Variants in USP47 observed in about 807,000 individuals in gnomAD.
USP47 encodes ubiquitin carboxyl-terminal hydrolase 47.
Under a neutral mutation model 165.1 loss-of-function variants are expected in USP47, and 35 were observed. That is an observed-to-expected ratio of 0.21 (90% confidence interval 0.16 to 0.28). The LOEUF is 0.28. USP47 is among the 10% of genes least tolerant of loss of function. The probability of loss-of-function intolerance (pLI) is 1.00; values close to 1 mark genes in which losing one functional copy is unlikely to be tolerated. For synonymous variants in USP47, 531 were observed against 544.5 expected (o/e 0.98, Z 0.35); for missense variants, 1,277 against 1,607.4 (o/e 0.79, Z 3.52).
intron 19 of USP47, 121 bp from the exon 20 acceptor site, chr11:11,942,214 A>C: frequency 8.7e-7 from 1 of 1,152,322 alleles, no homozygotes; most frequent in South Asian, 1.8e-5. Flanking sequence ...TTCAGAAACT[A>C]TATCATCACA....
chr11:11,928,395 A>G (rs945352404), intron 11 of USP47, among the ~76,000 whole-genome samples: 2 of 152,056 alleles, frequency 1.3e-5, no homozygotes, highest in Non-Finnish European at 2.9e-5. Flanking sequence ...CATTTTCAAA[A>G]TTTGTTCTAG....
chr11:11,876,568 C>T (rs187915046), intron 1 of USP47, among the ~76,000 whole-genome samples: 4 of 152,280 alleles, frequency 2.6e-5, no homozygotes, highest in Admixed American at 6.5e-5. Flanking sequence ...CAGTTCTGCT[C>T]CAGGTGGCAT....
chr11:11,878,546 A>G (rs1850627089), intron 1 of USP47: 1 of 152,154 alleles, frequency 6.6e-6, no homozygotes, highest in African/African-American at 2.4e-5. Flanking sequence ...TATAACATCT[A>G]AAATATATAG....
chr11:11,868,989 G>A (rs939131163), intron 1 of USP47, among the ~76,000 whole-genome samples: 1 of 151,346 alleles, frequency 6.6e-6, no homozygotes, highest in Non-Finnish European at 1.5e-5. Context: ...TTTTTTTGTA[G>A]GTTTTTAGAG....
intron 1 of USP47, among the ~76,000 whole-genome samples, chr11:11,867,958 G>T (rs141422642): frequency 6.6e-6 from 1 of 152,034 alleles, no homozygotes; most frequent in African/African-American, 2.4e-5. Context: ...GTGGTTGCAC[G>T]TTCTTAGGAG....
At chr11:11,871,243 C>T (rs1376327033) in intron 1 of USP47, among the ~76,000 whole-genome samples, 1 of 151,392 alleles carries the variant, frequency 6.6e-6, no homozygotes, top group African/African-American at 2.4e-5. Context: ...GTGGCGCACG[C>T]ATGTAATCTC....
At chr11:11,846,308 G>C (rs1464956967) in intron 1 of USP47, among the ~76,000 whole-genome samples, 2 of 152,042 alleles carry the variant, frequency 1.3e-5, no homozygotes, top group African/African-American at 4.8e-5. Context: ...GCATATTACT[G>C]TATTCTGCCA....
chr11:11,872,482 T>C (rs944475258), intron 1 of USP47, among the ~76,000 whole-genome samples: 3 of 152,128 alleles, frequency 2.0e-5, no homozygotes, highest in Non-Finnish European at 2.9e-5. Flanking sequence ...GTCAAAGAAT[T>C]TGTGGATATG....
chr11:11,925,298 TG>T (rs2134639101), intron 11 of USP47, among the ~76,000 whole-genome samples: 1 of 152,046 alleles, frequency 6.6e-6, no homozygotes, highest in South Asian at 2.1e-4. Flanking sequence ...TTAGTAGAGA[TG>T]GGGTTTCACC....
chr11:11,940,475 G>A lies in USP47; in HGVS notation c.2240G>A (p.Cys747Tyr), dbSNP rs559053264. ...AETMRIVLERCYNDLRLLSVS... is the reference protein window; with the variant it reads ...AETMRIVLERYYNDLRLLSVS... ...ACAATGAGAATAGTGCTGGAACGCTGCTACAATGATTTGCGTCTTCTCAGT... is the reference window on the plus strand; with the variant it reads ...ACAATGAGAATAGTGCTGGAACGCTACTACAATGATTTGCGTCTTCTCAGT... Residue 747 changes from cysteine to tyrosine, a missense_variant, in exon 19 of 28, where the codon TGC becomes TAC. Cys to Tyr is a radical substitution (Grantham distance 194). Coordinates refer to ENST00000527733, the MANE Select transcript of USP47 (RefSeq NM_001282659.2). 10 of 1,612,044 alleles carry A rather than the reference G, an allele frequency of 6.2e-6. 1 individual carries two copies. In the South Asian group the frequency reaches 1.1e-4, roughly 18 times the overall value.
intron 8 of USP47, among the ~76,000 whole-genome samples, chr11:11,909,811 A>T (rs1852832833): frequency 6.6e-6 from 1 of 152,238 alleles, no homozygotes; most frequent in South Asian, 2.1e-4. Flanking sequence ...ACATAGTTTA[A>T]TGATTGTTTT....
At chr11:11,941,734 A>G (rs1855487922) in intron 19 of USP47, among the ~76,000 whole-genome samples, 1 of 152,100 alleles carries the variant, frequency 6.6e-6, no homozygotes, top group South Asian at 2.1e-4. Context: ...TGACAATTAC[A>G]TTATATACCT....
At position 11,895,622 on chromosome 11, in the gene USP47, C is replaced by T. The variant is rs180903853; in HGVS notation, c.497-1975C>T. On this transcript the variant is annotated intron_variant, in intron 4 of 27. Coordinates refer to ENST00000527733, the MANE Select transcript of USP47 (RefSeq NM_001282659.2). ...ACTCTTTCCTGTCTCTTTCCTACCACTTCCCACTGGTAGCCAGCCACTGTT... is the reference window on the plus strand; with the variant it reads ...ACTCTTTCCTGTCTCTTTCCTACCATTTCCCACTGGTAGCCAGCCACTGTT... Among the ~76,000 whole-genome samples the T allele has an allele frequency of 9.8e-5, 15 of 152,312 alleles. No individual in the cohort carries two copies. In the East Asian group the frequency reaches 2.9e-3, roughly 29 times the overall value.
At chr11:11,911,516 G>C (rs1409161882) in intron 8 of USP47, among the ~76,000 whole-genome samples, 1 of 151,838 alleles carries the variant, frequency 6.6e-6, no homozygotes, top group Non-Finnish European at 1.5e-5. Flanking sequence ...AGACAGAGAG[G>C]GCTGTTACAT....
At chr11:11,877,803 CTCTGTGTG>C (rs1383556507) in intron 1 of USP47, among the ~76,000 whole-genome samples, 128 of 42,968 alleles carry the variant, frequency 3.0e-3, no homozygotes, top group Non-Finnish European at 4.4e-3. Context: ...CTCTCTCTCT[CTCTGTGTG>C]TGTGTGTGTG....
rs563126106 is a variant in USP47 at position 11,888,394 on chromosome 11, A to G, written c.358-3574A>G. Among the ~76,000 whole-genome samples, 5 of 152,302 alleles carry G rather than the reference A, an allele frequency of 3.3e-5. No individual in the cohort carries two copies. In the South Asian group the frequency reaches 8.3e-4, roughly 25 times the overall value. ...TAAGGGGGATATCACCACTGACCCC[A>G]CAGAAATACGAAAAACCATCAGAGA... is the stretch of plus-strand genomic sequence containing the variant. On this transcript the variant is annotated intron_variant, in intron 3 of 27. Coordinates refer to ENST00000527733, the MANE Select transcript of USP47 (RefSeq NM_001282659.2).
At chr11:11,929,376 C>T (rs901949235) in intron 11 of USP47, 58 bp from the exon 12 acceptor site, 1 of 1,578,556 alleles carries the variant, frequency 6.3e-7, no homozygotes, top group Non-Finnish European at 8.6e-7. Context: ...ATAGGAAATA[C>T]ACAAATAAGG....
chr11:11,935,248 T>C (rs1206235093), intron 16 of USP47, among the ~76,000 whole-genome samples: 2 of 152,078 alleles, frequency 1.3e-5, no homozygotes, highest in Non-Finnish European at 2.9e-5. Flanking sequence ...CACATACAAG[T>C]GCAAAAACCA....
In USP47 at chr11:11,891,993, G is replaced by A. The variant is rs1283177748; in HGVS notation, c.383G>A (p.Ser128Asn). The A allele has an allele frequency of 6.2e-7, 1 of 1,613,468 alleles. No homozygotes were observed. Among genetic ancestry groups the A allele is most frequent in the Admixed American group, 1.7e-5 (1 of 59,916 alleles). The change falls in exon 4 of 28, where the codon AGT becomes AAT. Residue 128 changes from serine to asparagine, a missense_variant. Around this residue, in one of 4 missense-constraint regions of USP47, gnomAD observed 181 missense variants for 194.7 expected, o/e 0.93. Coordinates refer to ENST00000527733, the MANE Select transcript of USP47 (RefSeq NM_001282659.2). ...LLEDSSAGED[S>N]VHDRFIGPLP... ...GAGGATTCCAGTGCTGGGGAAGACA[G>A]TGTTCATGACAGGTTTATAGGTCCG...
Sources: allele counts gnomAD v4.1 joint callset (sites outside exome capture counted in the v4.1 genomes callset), GRCh38; gene constraint gnomAD v4.1.1; regional missense constraint gnomAD v4.1.1; transcripts MANE v1.5; gene names NCBI Gene and HGNC (gene_info 2026-07-23, HGNC 2026-07-21).